ALX4: variants seen among roughly 807,000 people sequenced by gnomAD.
The protein encoded by ALX4 is homeobox protein aristaless-like 4.
In ALX4, 22 loss-of-function variants were observed where a neutral mutation model predicts 40.6. The ratio of observed to expected loss-of-function variants is 0.54; its 90% CI spans 0.39 to 0.77. ALX4 has a LOEUF of 0.77. ALX4 is among the 30% of genes least tolerant of loss of function. The probability of loss-of-function intolerance (pLI) is 0.00; values close to 1 mark genes in which losing one functional copy is unlikely to be tolerated. For missense variants in ALX4, 556 were observed against 564.8 expected, an observed-to-expected ratio of 0.98 and a Z score of 0.16; for synonymous variants, 266 against 240.5, an observed-to-expected ratio of 1.11 and a Z score of -0.98.
At chr11:44,282,371 C>G (rs1956314916) in intron 1 of ALX4, among the ~76,000 whole-genome samples, 1 of 152,138 alleles carries the variant, frequency 6.6e-6, no homozygotes, top group Non-Finnish European at 1.5e-5. Context: ...TATGGAGCAC[C>G]CGGAACTCCC....
intron 1 of ALX4, among the ~76,000 whole-genome samples, chr11:44,307,393 G>C (rs79848830): frequency 6.6e-6 from 1 of 152,248 alleles, no homozygotes. Flanking sequence ...AGTGCAAGTA[G>C]AGGAAGGGCC....
At chr11:44,295,879 G>A (rs570669095) in intron 1 of ALX4, among the ~76,000 whole-genome samples, 2 of 152,326 alleles carry the variant, frequency 1.3e-5, no homozygotes, top group Admixed American at 6.5e-5. Flanking sequence ...AGGGGCCCCC[G>A]AATATCCAGG....
Position 44,271,407 on chromosome 11 carries a change from C to T in ALX4, c.778-3785G>A, listed in dbSNP as rs1956246677. 2.0e-5 allele frequency among the ~76,000 whole-genome samples: 3 copies of T among 152,164 alleles called. No homozygotes were observed. In the South Asian group the frequency reaches 6.2e-4, roughly 32 times the overall value. ...CTTCCCACCTATGGGCCTCTTCTTCCTCGTCTATCAAATGGGAAGATGGGG... is the reference window on the plus strand; with the variant it reads ...CTTCCCACCTATGGGCCTCTTCTTCTTCGTCTATCAAATGGGAAGATGGGG... On this transcript the variant is annotated intron_variant, in intron 2 of 3. Transcript: ENST00000652299.
intron 1 of ALX4, among the ~76,000 whole-genome samples, chr11:44,302,729 G>C (rs1956441818): frequency 6.6e-6 from 1 of 152,158 alleles, no homozygotes; most frequent in Non-Finnish European, 1.5e-5. Context: ...CCATGGCCCT[G>C]TAGGACCTCT....
chr11:44,299,038 G>A (rs978972227), intron 1 of ALX4, among the ~76,000 whole-genome samples: 2 of 152,160 alleles, frequency 1.3e-5, no homozygotes, highest in Non-Finnish European at 2.9e-5. Flanking sequence ...AACAGACAAA[G>A]CCTCCTGCGG....
chr11:44,290,723 C>T (rs2119850429), intron 1 of ALX4, among the ~76,000 whole-genome samples: 1 of 152,342 alleles, frequency 6.6e-6, no homozygotes, highest in South Asian at 2.1e-4. Flanking sequence ...CCCAAGCCAC[C>T]TTGTGGTTCT....
chr11:44,308,848 A>C (rs1281978836), intron 1 of ALX4, among the ~76,000 whole-genome samples: 1 of 152,216 alleles, frequency 6.6e-6, no homozygotes, highest in Non-Finnish European at 1.5e-5. Context: ...CATTGTTCAG[A>C]GGCCTGCCGC....
chr11:44,289,596 G>T (rs1590698129), intron 1 of ALX4, among the ~76,000 whole-genome samples: 2 of 152,308 alleles, frequency 1.3e-5, no homozygotes, highest in African/African-American at 4.8e-5. Context: ...ACATGGAGGG[G>T]TCAGGCAGGC....
rs1565007546 is a variant in ALX4, at chr11:44,293,168, GAA to G, written c.466+16427_466+16428del. Among the ~76,000 whole-genome samples the G allele has an allele frequency of 7.2e-3, 69 of 9,554 alleles. 9 individuals carry two copies. The highest frequency in any genetic ancestry group is 0.012 in the Non-Finnish European group (57 of 4,716). 6.3% of individuals were successfully genotyped at this position (9,554 alleles called of 152,430 possible). On this transcript the variant is annotated intron_variant, in intron 1 of 3. Coordinates refer to ENST00000652299, the MANE Select transcript of ALX4 (RefSeq NM_021926.4). ...GGAAGGAAGGAAGGAAGGAAGGAAG[GAA>G]GCAGGCAGGCAGGGAGGGAGGGAGG... is the stretch of plus-strand genomic sequence containing the variant.
intron 1 of ALX4, among the ~76,000 whole-genome samples, chr11:44,287,116 G>A (rs1258242221): frequency 1.3e-5 from 2 of 152,212 alleles, no homozygotes; most frequent in Admixed American, 6.5e-5. Context: ...GGCATCCGCC[G>A]AGGCAGGGTC....
intron 1 of ALX4, among the ~76,000 whole-genome samples, chr11:44,295,528 G>T (rs1203640256): frequency 6.6e-6 from 1 of 152,256 alleles, no homozygotes; most frequent in African/African-American, 2.4e-5. Flanking sequence ...CTTCTCTGCA[G>T]CTGTGCTCCC....
chr11:44,271,033 C>T (rs1471944513), intron 2 of ALX4, among the ~76,000 whole-genome samples: 3 of 152,270 alleles, frequency 2.0e-5, no homozygotes, highest in East Asian at 3.9e-4. Flanking sequence ...CATCTTGGGG[C>T]CCCCATTGCC....
At chr11:44,277,819 T>C (rs1223315828) in intron 1 of ALX4, among the ~76,000 whole-genome samples, 2 of 152,188 alleles carry the variant, frequency 1.3e-5, no homozygotes, top group Non-Finnish European at 2.9e-5. Flanking sequence ...TGAGGGCCAC[T>C]GGCAGTGCAG....
At chr11:44,298,701 C>A (rs1191969788) in intron 1 of ALX4, among the ~76,000 whole-genome samples, 4 of 151,990 alleles carry the variant, frequency 2.6e-5, no homozygotes, top group Non-Finnish European at 5.9e-5. Context: ...AAAAGGGGTA[C>A]TCCTCCGACT....
chr11:44,309,635 C>T lies in ALX4; in HGVS notation c.428G>A (p.Ser143Asn), dbSNP rs1956493575. The change falls in exon 1 of 4, where the codon AGC (serine) becomes AAC (asparagine). Residue 143 changes from serine (S) to asparagine (N), a missense_variant. Ser to Asn is a conservative substitution (Grantham distance 46). Transcript: ENST00000652299. ...PDGSLKLQEG[S>N]SGHSAALQVP... ...CTGCAAGGCCGCGCTGTGGCCGCTG[C>T]TGCCTTCCTGGAGTTTGAGGCTGCC... 6.3e-7 allele frequency: 1 copy of T among 1,592,292 alleles called. No individual in the cohort carries two copies.
chr11:44,294,931 C>T (rs1177551602), intron 1 of ALX4, among the ~76,000 whole-genome samples: 3 of 151,896 alleles, frequency 2.0e-5, no homozygotes, highest in African/African-American at 7.3e-5. Context: ...CTCACTGCAA[C>T]CTCTGCCTCC....
chr11:44,286,619 C>A (rs1256767046), intron 1 of ALX4, among the ~76,000 whole-genome samples: 1 of 152,208 alleles, frequency 6.6e-6, no homozygotes, highest in Non-Finnish European at 1.5e-5. Flanking sequence ...GCCACTCAAG[C>A]AGTAATTCAG....
intron 1 of ALX4, among the ~76,000 whole-genome samples, chr11:44,306,626 G>T (rs373604548): frequency 6.6e-6 from 1 of 152,246 alleles, no homozygotes; most frequent in South Asian, 2.1e-4. Flanking sequence ...CACCAAGGCC[G>T]CCCCTGCCTC....
chr11:44,309,501 G>A, intron 1 of ALX4, 96 bp downstream of exon 1: 1 of 1,508,698 alleles, frequency 6.6e-7, no homozygotes. Flanking sequence ...CCCCCAGCCC[G>A]CCAACTCATA....
Sources: allele counts gnomAD v4.1 joint callset (sites outside exome capture counted in the v4.1 genomes callset), GRCh38; gene constraint gnomAD v4.1.1; transcripts MANE v1.5; gene names NCBI Gene and HGNC (gene_info 2026-07-23, HGNC 2026-07-21).